The following SLCO1B1 variants were observed in gnomAD, a reference collection of about 807,000 sequenced individuals.
The protein encoded by SLCO1B1 is solute carrier organic anion transporter family member 1B1.
In SLCO1B1, 81 loss-of-function variants were observed where a neutral mutation model predicts 70.1. The observed-to-expected ratio is 1.16, with a 90% CI of 0.97 to 1.39. The LOEUF is 1.39. SLCO1B1 is among the 40% of genes most tolerant of loss of function. SLCO1B1 has a pLI of 0.00. For synonymous variants in SLCO1B1, 283 were observed against 271.5 expected, an observed-to-expected ratio of 1.04 and a Z score of -0.42; for missense variants, 895 against 799.6, an observed-to-expected ratio of 1.12 and a Z score of -1.44.
At position 21,224,810 on chromosome 12, in the gene SLCO1B1, A is replaced by T. The variant is rs370991447; in HGVS notation, c.1836A>T (p.Ser612=). The part of the protein sequence containing the change: ...WSTNNCGTRG[S]CRTYNSTSFS... ...CCAACAACTGTGGCACACGTGGGTC[A>T]TGTAGGACATATAATTCCACATCAT... Residue 612 remains serine (S), a synonymous_variant, in exon 14 of 15, where the codon TCA becomes TCT. Transcript: ENST00000256958. 3 of 1,602,698 alleles carry T rather than the reference A, an allele frequency of 1.9e-6. No individual in the cohort carries two copies. Among genetic ancestry groups the T allele is most frequent in the African/African-American group, 2.7e-5 (2 of 74,726 alleles).
intron 2 of SLCO1B1, among the ~76,000 whole-genome samples, chr12:21,161,337 G>T (rs1168232240): frequency 6.6e-6 from 1 of 152,146 alleles, no homozygotes; most frequent in African/African-American, 2.4e-5. Flanking sequence ...AGCCATAAAA[G>T]AACAAGATCA....
At chr12:21,173,771 CTT>C (rs55687335) in intron 3 of SLCO1B1, among the ~76,000 whole-genome samples, 2 of 115,070 alleles carry the variant, frequency 1.7e-5, no homozygotes, top group Non-Finnish European at 1.7e-5. Context: ...GTGGTCATGA[CTT>C]TTTTTTTTTT....
intron 11 of SLCO1B1, among the ~76,000 whole-genome samples, chr12:21,210,947 A>T (rs991158628): frequency 6.6e-6 from 1 of 152,220 alleles, no homozygotes; most frequent in East Asian, 1.9e-4. Flanking sequence ...TTATCAGTTT[A>T]AGGAGATTTT....
chr12:21,197,383 G>A (rs1166864302), intron 8 of SLCO1B1, among the ~76,000 whole-genome samples, 195 bp downstream of exon 8: 2 of 152,046 alleles, frequency 1.3e-5, no homozygotes, highest in Non-Finnish European at 2.9e-5. Context: ...AAGTGGAAGA[G>A]AATTAGGTTT....
intron 14 of SLCO1B1, among the ~76,000 whole-genome samples, chr12:21,237,580 A>G (rs189711894): frequency 1.3e-5 from 2 of 152,260 alleles, no homozygotes; most frequent in Admixed American, 6.5e-5. Context: ...GGTCAATAAT[A>G]ACTTATTTGT....
chr12:21,185,514 G>T (rs1940954169), intron 7 of SLCO1B1, among the ~76,000 whole-genome samples: 1 of 152,114 alleles, frequency 6.6e-6, no homozygotes, highest in Middle Eastern at 3.4e-3. Flanking sequence ...CTTGGTTTAA[G>T]AATGAAAGTA....
At chr12:21,134,675 T>A (rs1368266684) in intron 1 of SLCO1B1, among the ~76,000 whole-genome samples, 1 of 152,164 alleles carries the variant, frequency 6.6e-6, no homozygotes. Flanking sequence ...GGATCGGTGG[T>A]TATATCCTCT....
chr12:21,180,470 C>T (rs1940882355), intron 7 of SLCO1B1, among the ~76,000 whole-genome samples: 1 of 152,120 alleles, frequency 6.6e-6, no homozygotes, highest in Admixed American at 6.6e-5. Context: ...TACTTGCCAT[C>T]TCTTTACCAC....
At chr12:21,164,890 T>C (rs1308050558) in intron 2 of SLCO1B1, 2 of 465,312 alleles carry the variant, frequency 4.3e-6, no homozygotes, top group South Asian at 3.1e-5. Flanking sequence ...TCAATACATA[T>C]TATACTGTCA....
rs370681523 is a variant in SLCO1B1 at position 21,215,018 on chromosome 12, C to A, written c.1498-2101C>A. Among the ~76,000 whole-genome samples the A allele has an allele frequency of 2.6e-5, 4 of 152,272 alleles. No individual in the cohort carries two copies. In the East Asian group the frequency reaches 7.7e-4, roughly 29 times the overall value. On this transcript the variant is annotated intron_variant, in intron 11 of 14. Transcript: ENST00000256958. ...CTCAGATGGAAATGCAGAAATCACC[C>A]GTCTTCTGCGTCGCTCACGCTGGGA...
At chr12:21,215,344 T>C (rs996458186) in intron 11 of SLCO1B1, among the ~76,000 whole-genome samples, 1 of 152,222 alleles carries the variant, frequency 6.6e-6, no homozygotes, top group Non-Finnish European at 1.5e-5. Context: ...TATTTTGAGC[T>C]ATGTTCCTTC....
intron 14 of SLCO1B1, among the ~76,000 whole-genome samples, chr12:21,226,264 A>G (rs1941481411): frequency 6.6e-6 from 1 of 151,914 alleles, no homozygotes; most frequent in Non-Finnish European, 1.5e-5. Flanking sequence ...AAATACAAAA[A>G]TTAGCCAGTC....
intron 14 of SLCO1B1, among the ~76,000 whole-genome samples, chr12:21,228,805 G>C (rs1941504678): frequency 6.6e-6 from 1 of 152,068 alleles, no homozygotes; most frequent in Non-Finnish European, 1.5e-5. Context: ...ACTAAGACAA[G>C]TATTAGGCTT....
At chr12:21,221,354 A>C (rs1941421847) in intron 12 of SLCO1B1, among the ~76,000 whole-genome samples, 1 of 152,144 alleles carries the variant, frequency 6.6e-6, no homozygotes, top group Non-Finnish European at 1.5e-5. Flanking sequence ...TCCAAATTAG[A>C]AAAGAGGAAC....
At chr12:21,171,869 G>A (rs1940759478) in intron 2 of SLCO1B1, among the ~76,000 whole-genome samples, 1 of 151,892 alleles carries the variant, frequency 6.6e-6, no homozygotes, top group East Asian at 1.9e-4. Flanking sequence ...GAAATAGAGG[G>A]AATCCCTAAT....
intron 11 of SLCO1B1, among the ~76,000 whole-genome samples, chr12:21,213,245 T>C (rs1693791086): frequency 6.6e-6 from 1 of 152,158 alleles, no homozygotes; most frequent in Admixed American, 6.5e-5. Context: ...CAGGAGCTCT[T>C]GTAGGGCAGG....
At chr12:21,179,336 T>G (rs1940864696) in intron 7 of SLCO1B1, among the ~76,000 whole-genome samples, 1 of 152,170 alleles carries the variant, frequency 6.6e-6, no homozygotes, top group South Asian at 2.1e-4. Context: ...TATTTTTCAG[T>G]TGATGGTGGC....
At chr12:21,155,651 T>C (rs1940533438) in intron 2 of SLCO1B1, among the ~76,000 whole-genome samples, 1 of 152,160 alleles carries the variant, frequency 6.6e-6, no homozygotes, top group Non-Finnish European at 1.5e-5. Context: ...TAGAACTCTG[T>C]CATTGTGAAC....
chr12:21,189,768 C>T (rs1429943160), intron 7 of SLCO1B1, among the ~76,000 whole-genome samples: 1 of 151,936 alleles, frequency 6.6e-6, no homozygotes, highest in Non-Finnish European at 1.5e-5. Flanking sequence ...GTATTTTTAT[C>T]ATGTACACTC....
Sources: allele counts gnomAD v4.1 joint callset (sites outside exome capture counted in the v4.1 genomes callset), GRCh38; gene constraint gnomAD v4.1.1; transcripts MANE v1.5; gene names NCBI Gene and HGNC (gene_info 2026-07-23, HGNC 2026-07-21).